Variants in SPMAP2L observed in about 807,000 individuals in gnomAD.
The protein encoded by SPMAP2L is sperm microtubule associated protein 2-like.
At chr4:56,596,557 G>A in the SPMAP2L span, 1 of 1,533,976 alleles carries the variant, frequency 6.5e-7, no homozygotes, top group Non-Finnish European at 8.7e-7. Flanking sequence ...AAGAATTATA[G>A]AGCTTGCCCA....
the SPMAP2L span, among the ~76,000 whole-genome samples, chr4:56,581,093 T>G: frequency 1.3e-5 from 2 of 151,982 alleles, no homozygotes; most frequent in Admixed American, 6.6e-5. Context: ...AAGATGGCTG[T>G]TGCAGGGAAT....
the SPMAP2L span, among the ~76,000 whole-genome samples, chr4:56,583,920 A>G: frequency 6.6e-6 from 1 of 152,208 alleles, no homozygotes; most frequent in Non-Finnish European, 1.5e-5. Flanking sequence ...TTTTGGTTTC[A>G]GATACACAAA....
At chr4:56,538,096 A>T in the SPMAP2L span, among the ~76,000 whole-genome samples, 1 of 152,182 alleles carries the variant, frequency 6.6e-6, no homozygotes, top group African/African-American at 2.4e-5. Flanking sequence ...TTTAAAAATG[A>T]ATCAGATCAT....
chr4:56,539,097 GC>G, the SPMAP2L span, among the ~76,000 whole-genome samples: 1 of 152,120 alleles, frequency 6.6e-6, no homozygotes, highest in Non-Finnish European at 1.5e-5. Flanking sequence ...CTAAGACATG[GC>G]ATTTTGGTTG....
chr4:56,594,071 C>G, the SPMAP2L span: 2 of 1,609,326 alleles, frequency 1.2e-6, no homozygotes, highest in Non-Finnish European at 1.7e-6. Context: ...TGGTATTTCT[C>G]TTGATGAAAC....
chr4:56,548,991 CTTT>C, the SPMAP2L span, among the ~76,000 whole-genome samples: 9 of 139,426 alleles, frequency 6.5e-5, no homozygotes, highest in Admixed American at 7.2e-5. Context: ...TTCTTTCTTT[CTTT>C]TTTTTTTTTT....
chr4:56,566,824 G>A, the SPMAP2L span, among the ~76,000 whole-genome samples: 100 of 149,432 alleles, frequency 6.7e-4, no homozygotes, highest in Non-Finnish European at 1.2e-3. Flanking sequence ...AGCCTCCCAA[G>A]TAGCTGGGAT....
At chr4:56,593,382 C>T in the SPMAP2L span, 1 of 1,286,242 alleles carries the variant, frequency 7.8e-7, no homozygotes, top group Non-Finnish European at 1.1e-6. Flanking sequence ...CTGGAGTCCT[C>T]ATTGAGCTGA....
At chr4:56,571,055 C>G in the SPMAP2L span, among the ~76,000 whole-genome samples, 1 of 151,850 alleles carries the variant, frequency 6.6e-6, no homozygotes, top group African/African-American at 2.4e-5. Flanking sequence ...CCACCAACCT[C>G]AGCCTCCCAA....
At chr4:56,543,935 A>T in the SPMAP2L span, among the ~76,000 whole-genome samples, 2 of 105,612 alleles carry the variant, frequency 1.9e-5, no homozygotes, top group African/African-American at 3.8e-5. Context: ...TATGTGAGAG[A>T]GAGAGAGAGA....
the SPMAP2L span, among the ~76,000 whole-genome samples, chr4:56,567,442 G>GTTTTTTTTTTTTTTTTTTTTTTT: frequency 3.0e-5 from 2 of 65,580 alleles, no homozygotes; most frequent in Non-Finnish European, 5.6e-5. Context: ...AATTTTGGTG[G>GTTTTTTTTTTTTTTTTTTTTTTT]TTTTTTTTTT....
the SPMAP2L span, chr4:56,595,045 G>T: frequency 1.2e-6 from 2 of 1,610,012 alleles, no homozygotes; most frequent in Non-Finnish European, 1.7e-6. Flanking sequence ...TGCCTGTCCT[G>T]TGGGAACCGT....
At chr4:56,584,393 A>G in the SPMAP2L span, 1 of 687,034 alleles carries the variant, frequency 1.5e-6, no homozygotes, top group Non-Finnish European at 2.5e-6. Context: ...CTAAGATAGA[A>G]GCAGTGTATA....
chr4:56,540,673 GAA>G, the SPMAP2L span, among the ~76,000 whole-genome samples: 1 of 152,054 alleles, frequency 6.6e-6, no homozygotes, highest in Non-Finnish European at 1.5e-5. Context: ...AGAAAGAAAA[GAA>G]AGACAGCCAA....
the SPMAP2L span, among the ~76,000 whole-genome samples, chr4:56,612,191 C>A: frequency 6.6e-6 from 1 of 152,124 alleles, no homozygotes; most frequent in Non-Finnish European, 1.5e-5. Context: ...TCAGGTACAG[C>A]CTGCATTGTG....
chr4:56,592,114 T>C, the SPMAP2L span, among the ~76,000 whole-genome samples: 93 of 152,290 alleles, frequency 6.1e-4, 2 homozygotes, highest in South Asian at 0.019. Flanking sequence ...AGCAGTGGCA[T>C]TAGATTCTCA....
the SPMAP2L span, chr4:56,595,506 C>A: frequency 6.5e-7 from 1 of 1,538,718 alleles, no homozygotes; most frequent in African/African-American, 1.4e-5. Flanking sequence ...TGTCTCCACA[C>A]TCCCTGACCT....
At chr4:56,596,038 A>G in the SPMAP2L span, among the ~76,000 whole-genome samples, 1 of 152,358 alleles carries the variant, frequency 6.6e-6, no homozygotes, top group African/African-American at 2.4e-5. Flanking sequence ...TATAGAAGCT[A>G]TCCAGGAGAC....
chr4:56,625,153 G>T, the SPMAP2L span, among the ~76,000 whole-genome samples: 1 of 152,176 alleles, frequency 6.6e-6, no homozygotes, highest in African/African-American at 2.4e-5. Flanking sequence ...AAATTTGACT[G>T]CCCTGCTGGG....
Sources: allele counts gnomAD v4.1 joint callset (sites outside exome capture counted in the v4.1 genomes callset), GRCh38; gene constraint gnomAD v4.1.1; transcripts MANE v1.5; gene names NCBI Gene and HGNC (gene_info 2026-07-23, HGNC 2026-07-21).